Variants in MCF2L observed in about 807,000 individuals in gnomAD.
The protein encoded by MCF2L is guanine nucleotide exchange factor DBS.
A neutral mutation model predicts 153.4 loss-of-function variants in MCF2L; 97 were observed. That is an observed-to-expected ratio of 0.63 (90% confidence interval 0.54 to 0.75). MCF2L has a LOEUF of 0.75. Ranked by LOEUF, MCF2L falls within the 30% of genes least tolerant of loss-of-function variation. The pLI, the probability that MCF2L is intolerant of heterozygous loss-of-function variation, is 0.00. For missense variants in MCF2L, 1,347 were observed against 1,495.2 expected (o/e 0.90, Z 1.64); for synonymous variants, 659 against 632.2 (o/e 1.04, Z -0.64).
At chr13:112,918,563 G>T (rs916168047) in intron 2 of MCF2L, among the ~76,000 whole-genome samples, 1 of 152,140 alleles carries the variant, frequency 6.6e-6, no homozygotes, top group Non-Finnish European at 1.5e-5. Flanking sequence ...AGGCCTGGGG[G>T]GATGCAGCCT....
chr13:113,073,685 C>T (rs1446370057), intron 9 of MCF2L, among the ~76,000 whole-genome samples: 4 of 152,194 alleles, frequency 2.6e-5, no homozygotes, highest in African/African-American at 7.2e-5. Flanking sequence ...GAGGCCAAGA[C>T]GGGTGGATCA....
chr13:113,090,236 C>T lies in MCF2L; in HGVS notation c.2953+508C>T, dbSNP rs1231125759. On this transcript the variant is annotated intron_variant, in intron 26 of 29. Coordinates refer to ENST00000535094, the MANE Select transcript of MCF2L (RefSeq NM_001112732.3). ...ATGCATCGTGTGTGACCATTCGTGC[C>T]TCCTTCGTCACAAGGGCGGCCACGC... 4 of 1,419,566 alleles carry T rather than the reference C, an allele frequency of 2.8e-6. No individual in the cohort carries two copies. The African/African-American group carries it at 4.3e-5, about 15-fold the overall frequency. The allele number at this position is 1,419,566 out of a possible 1,614,324, so 87.9% of individuals were successfully genotyped here.
At chr13:113,006,439 C>T (rs1430623703) in intron 1 of MCF2L, among the ~76,000 whole-genome samples, 1 of 152,204 alleles carries the variant, frequency 6.6e-6, no homozygotes, top group South Asian at 2.1e-4. Context: ...ATCCTCCCCC[C>T]GGGAGCACAG....
At chr13:112,977,316 C>T (rs190276282) in intron 1 of MCF2L, among the ~76,000 whole-genome samples, 13 of 152,226 alleles carry the variant, frequency 8.5e-5, no homozygotes, top group African/African-American at 2.6e-4. Context: ...AGCCAACCAG[C>T]GGGGTGACAG....
chr13:113,094,374 C>T, intron 26 of MCF2L, 140 bp from the exon 27 acceptor site: 1 of 827,970 alleles, frequency 1.2e-6, no homozygotes, highest in Non-Finnish European at 1.8e-6. Context: ...TCTTTATGAA[C>T]CCGGGAAGAT....
intron 17 of MCF2L, among the ~76,000 whole-genome samples, chr13:113,082,909 GTAT>G (rs2142005015): frequency 6.6e-6 from 1 of 152,294 alleles, no homozygotes; most frequent in African/African-American, 2.4e-5. Context: ...TCCCAGGTGT[GTAT>G]TCGGCCCTTT....
At position 112,982,527 on chromosome 13, in the gene MCF2L, G is replaced by A. The variant is rs554385491; in HGVS notation, c.79+13069G>A. 2.6e-5 allele frequency among the ~76,000 whole-genome samples: 4 copies of A among 152,316 alleles called. No individual in the cohort carries two copies. In the South Asian group the frequency reaches 8.3e-4, roughly 32 times the overall value. On this transcript the variant is annotated intron_variant, in intron 1 of 29. Transcript: ENST00000535094. ...ATCAGGTGGGAGGTGCGGCAGATGG[G>A]GAGTCTGGGGGGCCTCCTGCGGAGG...
chr13:112,973,201 T>C (rs2140846298), intron 1 of MCF2L, among the ~76,000 whole-genome samples: 1 of 152,194 alleles, frequency 6.6e-6, no homozygotes, highest in East Asian at 1.9e-4. Flanking sequence ...CTCACGCCTC[T>C]GCCTTCGGCC....
chr13:112,988,395 C>T (rs1261294749), intron 1 of MCF2L, among the ~76,000 whole-genome samples: 1 of 152,198 alleles, frequency 6.6e-6, no homozygotes, highest in Admixed American at 6.5e-5. Flanking sequence ...GGCCCGGGCA[C>T]GTGAACCTTT....
intron 3 of MCF2L, chr13:113,044,894 C>T (rs773804339): frequency 2.2e-5 from 36 of 1,612,694 alleles, no homozygotes; most frequent in Non-Finnish European, 2.7e-5. Context: ...GTGATGTATG[C>T]GCCATAAGAC....
chr13:112,935,672 G>A (rs1025775464), intron 2 of MCF2L, among the ~76,000 whole-genome samples: 4 of 152,198 alleles, frequency 2.6e-5, no homozygotes, highest in Non-Finnish European at 1.5e-5. Context: ...TTGGTAGGTC[G>A]AGTGTATTCA....
At chr13:113,017,117 C>T (rs969944711) in intron 2 of MCF2L, among the ~76,000 whole-genome samples, 4 of 152,244 alleles carry the variant, frequency 2.6e-5, no homozygotes, top group South Asian at 2.1e-4. Context: ...GTGGCAGCCT[C>T]GGGTGTGTGC....
intron 25 of MCF2L, 65 bp downstream of exon 25, chr13:113,088,693 G>T (rs773000432): frequency 9.9e-6 from 15 of 1,517,242 alleles, no homozygotes; most frequent in Admixed American, 7.4e-5. Context: ...CCATTTGCAC[G>T]CCAGGGTCCT....
At chr13:113,037,060 G>A (rs559371427) in intron 3 of MCF2L, among the ~76,000 whole-genome samples, 1 of 152,282 alleles carries the variant, frequency 6.6e-6, no homozygotes, top group East Asian at 1.9e-4. Flanking sequence ...CGGCCCTCCT[G>A]TCCATCTCAG....
chr13:113,078,036 C>T (rs1232301261), intron 13 of MCF2L, among the ~76,000 whole-genome samples: 5 of 152,212 alleles, frequency 3.3e-5, no homozygotes, highest in African/African-American at 1.2e-4. Flanking sequence ...CCACCGTCCT[C>T]CCCCTTCCCG....
At chr13:112,994,162 T>C (rs902530216) in intron 1 of MCF2L, among the ~76,000 whole-genome samples, 22 of 147,930 alleles carry the variant, frequency 1.5e-4, no homozygotes, top group Non-Finnish European at 1.6e-4. Context: ...GATGCCAAGC[T>C]GACGTCACTG....
intron 1 of MCF2L, among the ~76,000 whole-genome samples, chr13:113,006,590 G>A (rs544840605): frequency 2.6e-5 from 4 of 152,322 alleles, no homozygotes; most frequent in South Asian, 2.1e-4. Flanking sequence ...CCTCTGAACC[G>A]GAAAGGCGCT....
At chr13:113,037,104 C>A (rs72663506) in intron 3 of MCF2L, among the ~76,000 whole-genome samples, 57,425 of 151,802 alleles carry the variant, frequency 0.38, 11,623 homozygotes, top group Non-Finnish European at 0.46. Flanking sequence ...GCAAGCGTGT[C>A]ATCCTAGAAG....
chr13:113,015,763 C>G (rs2084471188), intron 2 of MCF2L, among the ~76,000 whole-genome samples: 1 of 152,244 alleles, frequency 6.6e-6, no homozygotes, highest in South Asian at 2.1e-4. Context: ...TGTGCAGTGA[C>G]TTGGTCCCTG....
Sources: allele counts gnomAD v4.1 joint callset (sites outside exome capture counted in the v4.1 genomes callset), GRCh38; gene constraint gnomAD v4.1.1; transcripts MANE v1.5; gene names NCBI Gene and HGNC (gene_info 2026-07-23, HGNC 2026-07-21).